The following CDK13 variants were observed in gnomAD, a reference collection of about 807,000 sequenced individuals.
The protein encoded by CDK13 is cyclin dependent kinase 13.
CDK13 carries 40 observed loss-of-function variants against 137.6 expected under a neutral mutation model. The observed-to-expected ratio is 0.29, with a 90% CI of 0.23 to 0.38. The LOEUF (loss-of-function observed/expected upper bound fraction) is 0.38, where lower values mean the gene tolerates loss of function less well. CDK13 is among the 10% of genes least tolerant of loss of function. The pLI, the probability that CDK13 is intolerant of heterozygous loss-of-function variation, is 1.00. For synonymous variants in CDK13, 869 were observed against 760.1 expected (o/e 1.14, Z -2.36); for missense variants, 1,704 against 1,951.8 (o/e 0.87, Z 2.39).
intron 1 of CDK13, among the ~76,000 whole-genome samples, chr7:39,977,841 A>G (rs1461424806): frequency 6.6e-6 from 1 of 152,178 alleles, no homozygotes; most frequent in Non-Finnish European, 1.5e-5. Flanking sequence ...CTATGGGGAT[A>G]AAGAGCATGG....
chr7:39,995,379 A>G (rs968736379), intron 2 of CDK13, among the ~76,000 whole-genome samples: 1 of 152,218 alleles, frequency 6.6e-6, no homozygotes, highest in Non-Finnish European at 1.5e-5. Flanking sequence ...TAGAGACTAT[A>G]GTTTCCTAAA....
intron 7 of CDK13, among the ~76,000 whole-genome samples, chr7:40,051,938 C>A (rs1437684917): frequency 6.6e-6 from 1 of 151,952 alleles, no homozygotes; most frequent in East Asian, 1.9e-4. Context: ...AGATTTTTGC[C>A]CCATTTCTTC....
chr7:40,049,976 T>G (rs1429513480), intron 7 of CDK13, among the ~76,000 whole-genome samples: 1 of 151,404 alleles, frequency 6.6e-6, no homozygotes, highest in Non-Finnish European at 1.5e-5. Context: ...TTTCCTTTTT[T>G]TGTTTTGTTT....
chr7:40,057,646 A>C (rs1010774414), intron 7 of CDK13, among the ~76,000 whole-genome samples: 1 of 152,242 alleles, frequency 6.6e-6, no homozygotes, highest in Non-Finnish European at 1.5e-5. Context: ...TTGCTGAGAC[A>C]GTAAAGAAGA....
intron 5 of CDK13, among the ~76,000 whole-genome samples, chr7:40,015,169 T>C (rs970190926): frequency 3.3e-5 from 5 of 152,182 alleles, no homozygotes; most frequent in Non-Finnish European, 7.3e-5. Context: ...GTACCACGTT[T>C]TGAAATTTAA....
chr7:40,074,192 G>T (rs576576915), intron 9 of CDK13, among the ~76,000 whole-genome samples: 6 of 151,638 alleles, frequency 4.0e-5, no homozygotes, highest in South Asian at 2.1e-4. Context: ...GAGCCATCAT[G>T]CCTGGCCAAG....
intron 1 of CDK13, among the ~76,000 whole-genome samples, chr7:39,982,092 G>A (rs1784238650): frequency 6.7e-6 from 1 of 148,968 alleles, no homozygotes; most frequent in East Asian, 2.0e-4. Context: ...GTATACATGT[G>A]CCATGCTGGT....
chr7:40,012,795 C>G (rs958016919), intron 5 of CDK13, among the ~76,000 whole-genome samples: 8 of 151,616 alleles, frequency 5.3e-5, no homozygotes, highest in Non-Finnish European at 8.8e-5. Context: ...GCCTGTAATC[C>G]CAGCTACTTG....
chr7:39,976,323 T>TCTCTCTCTCATA, intron 1 of CDK13, among the ~76,000 whole-genome samples: 2 of 39,548 alleles, frequency 5.1e-5, no homozygotes, highest in Non-Finnish European at 1.2e-4. Flanking sequence ...TCTCTCTCTC[T>TCTCTCTCTCATA]CACACACACA....
intron 9 of CDK13, among the ~76,000 whole-genome samples, chr7:40,064,957 ATTTTTTTTTTTTTTTTT>A (rs56710188): frequency 3.0e-4 from 14 of 46,142 alleles, no homozygotes; most frequent in East Asian, 2.6e-3. Flanking sequence ...ATGCTGGGTG[ATTTTTTTTTTTTTTTTT>A]TTTTTTTTTT....
chr7:40,007,857 G>A (rs1784824428), intron 5 of CDK13, among the ~76,000 whole-genome samples: 1 of 152,136 alleles, frequency 6.6e-6, no homozygotes, highest in African/African-American at 2.4e-5. Context: ...ATTAAATTTT[G>A]AGTAAGTGAA....
At chr7:40,078,938 A>C (rs1786605247) in intron 11 of CDK13, 87 bp downstream of exon 11, 2 of 434,388 alleles carry the variant, frequency 4.6e-6, no homozygotes, top group Non-Finnish European at 6.6e-6. Flanking sequence ...ATAATAAGAT[A>C]TTTCATGTCT....
intron 5 of CDK13, among the ~76,000 whole-genome samples, chr7:40,023,569 G>A (rs1785175364): frequency 6.6e-6 from 1 of 150,758 alleles, no homozygotes; most frequent in South Asian, 2.1e-4. Context: ...GCATGATCTC[G>A]GCTCACTGCA....
rs1298297569 is a variant in CDK13, at chr7:40,078,605, T to C, written c.2898-115T>C. 1.2e-5 allele frequency: 6 copies of C among 491,584 alleles called. No homozygotes were observed. The East Asian group carries it at 2.8e-4, about 23-fold the overall frequency. The allele number at this position is 491,584 out of a possible 1,614,324, so 30.5% of individuals were successfully genotyped here. ...TATTAAAAAAGTATTTACAATTATT[T>C]TTAAATGATCTTAGTTTTAGTTTTA... On this transcript the variant is annotated intron_variant, in intron 10 of 13. Coordinates refer to ENST00000181839, the MANE Select transcript of CDK13 (RefSeq NM_003718.5).
At chr7:40,067,983 T>A (rs1290919026) in intron 9 of CDK13, 1 of 151,144 alleles carries the variant, frequency 6.6e-6, no homozygotes, top group Non-Finnish European at 1.5e-5. Context: ...TAGTCCCAGC[T>A]CCTCAGGAGG....
chr7:39,951,121 G>A lies in CDK13; in HGVS notation c.480G>A (p.Gly160=), dbSNP rs2116055386. 8.0e-7 allele frequency: 1 copy of A among 1,244,804 alleles called. No homozygotes were observed. The highest frequency in any genetic ancestry group is 1.0e-6 in the Non-Finnish European group (1 of 995,628). The allele number at this position is 1,244,804 out of a possible 1,614,324, so 77.1% of individuals were successfully genotyped here. A position where few individuals can be genotyped will look rare whatever the true frequency, so the allele number is the denominator to read the frequency against. The change falls in exon 1 of 14, where the codon GGG becomes GGA. Residue 160 remains glycine, a synonymous_variant. Transcript: ENST00000181839. ...AGTCCGAGCAGGGGCTGCTGCTGGG[G>A]GGGGCCAGCGCGGCAACGGCGGCGA... The part of the protein sequence containing the change: ...SSQSEQGLLL[G]GASAATAATA...
intron 1 of CDK13, among the ~76,000 whole-genome samples, chr7:39,971,314 C>T (rs1048372150): frequency 1.3e-5 from 2 of 151,366 alleles, no homozygotes; most frequent in South Asian, 2.1e-4. Context: ...GCCAGGAGTT[C>T]AAGACTAGCC....
At chr7:40,008,076 G>A (rs917218908) in intron 5 of CDK13, among the ~76,000 whole-genome samples, 3 of 152,172 alleles carry the variant, frequency 2.0e-5, no homozygotes, top group Admixed American at 6.5e-5. Context: ...TTATATTCCC[G>A]CAGTTTAGAA....
intron 1 of CDK13, among the ~76,000 whole-genome samples, chr7:39,956,165 C>T (rs185531722): frequency 1.3e-5 from 2 of 152,084 alleles, no homozygotes; most frequent in Non-Finnish European, 2.9e-5. Context: ...ATGAAAATCC[C>T]TAGGTGAATG....
Sources: allele counts gnomAD v4.1 joint callset (sites outside exome capture counted in the v4.1 genomes callset), GRCh38; gene constraint gnomAD v4.1.1; transcripts MANE v1.5; gene names NCBI Gene and HGNC (gene_info 2026-07-23, HGNC 2026-07-21).